RBPJ: variants seen among roughly 807,000 people sequenced by gnomAD.
RBPJ encodes the protein recombining binding protein suppressor of hairless.
In RBPJ, 9 loss-of-function variants were observed where a neutral mutation model predicts 67.8. The ratio of observed to expected loss-of-function variants is 0.13; its 90% CI spans 0.08 to 0.23. The LOEUF (loss-of-function observed/expected upper bound fraction) is 0.23, where lower values mean the gene tolerates loss of function less well. Ranked by LOEUF, RBPJ falls within the 10% of genes least tolerant of loss-of-function variation. The pLI, the probability that RBPJ is intolerant of heterozygous loss-of-function variation, is 1.00. For synonymous variants in RBPJ, 198 were observed against 203.3 expected (o/e 0.97, Z 0.22); for missense variants, 305 against 595.6 (o/e 0.51, Z 5.08).
At chr4:26,392,410 C>T (rs1330847703) in intron 2 of RBPJ, among the ~76,000 whole-genome samples, 2 of 152,260 alleles carry the variant, frequency 1.3e-5, no homozygotes, top group African/African-American at 4.8e-5. Flanking sequence ...ATACATAACC[C>T]CAATATCCAG....
intron 1 of RBPJ, among the ~76,000 whole-genome samples, chr4:26,206,830 A>G (rs1718186603): frequency 6.6e-6 from 1 of 151,850 alleles, no homozygotes; most frequent in African/African-American, 2.4e-5. Context: ...TACAGCCAAG[A>G]AAACACTTTT....
intron 1 of RBPJ, among the ~76,000 whole-genome samples, chr4:26,198,186 G>A (rs1048412431): frequency 8.5e-5 from 13 of 152,054 alleles, no homozygotes; most frequent in Non-Finnish European, 1.6e-4. Context: ...CCTGGGAGGC[G>A]GAGGTTGCGG....
intron 1 of RBPJ, among the ~76,000 whole-genome samples, chr4:26,176,221 CT>C (rs1401724338): frequency 1.3e-5 from 2 of 152,194 alleles, no homozygotes; most frequent in Non-Finnish European, 2.9e-5. Context: ...AGCAACTATA[CT>C]CAGAAACACC....
At chr4:26,175,386 G>T (rs943975591) in intron 1 of RBPJ, among the ~76,000 whole-genome samples, 7 of 151,984 alleles carry the variant, frequency 4.6e-5, no homozygotes, top group Non-Finnish European at 1.0e-4. Flanking sequence ...CTGGGGGGGG[G>T]ATTTGAGTCT....
intron 4 of RBPJ, among the ~76,000 whole-genome samples, chr4:26,416,395 T>C (rs1251925235): frequency 6.6e-6 from 1 of 152,206 alleles, no homozygotes; most frequent in African/African-American, 2.4e-5. Context: ...TCCAGCTAAC[T>C]TTTTTGTATT....
chr4:26,386,073 G>GT (rs1730886293), intron 1 of RBPJ, among the ~76,000 whole-genome samples: 1 of 152,136 alleles, frequency 6.6e-6, no homozygotes, highest in South Asian at 2.1e-4. Context: ...TGTTTTATTG[G>GT]TAAGTCGTCT....
At chr4:26,338,536 TTTTG>T (rs1349232576) in intron 1 of RBPJ, among the ~76,000 whole-genome samples, 6 of 151,860 alleles carry the variant, frequency 4.0e-5, no homozygotes, top group African/African-American at 1.2e-4. Context: ...AGTTTGGCTT[TTTTG>T]TTTGTTTTGG....
chr4:26,391,082 G>A lies in RBPJ; in HGVS notation c.59+4691G>A, dbSNP rs779115790. ...AAATAAATATATATATGGTTAAAATGTCAGTTCTTCTCAAATTGATCCTGT... is the reference window on the plus strand; with the variant it reads ...AAATAAATATATATATGGTTAAAATATCAGTTCTTCTCAAATTGATCCTGT... On this transcript the variant is annotated intron_variant, in intron 2 of 10. Coordinates refer to ENST00000355476, the MANE Select transcript of RBPJ (RefSeq NM_015874.6). Among the ~76,000 whole-genome samples the A allele has an allele frequency of 3.9e-4, 59 of 152,264 alleles. 1 individual carries two copies. The highest frequency in any genetic ancestry group is 5.4e-4 in the Non-Finnish European group (37 of 68,012).
intron 2 of RBPJ, among the ~76,000 whole-genome samples, chr4:26,404,233 TG>T (rs1408063333): frequency 5.9e-5 from 9 of 152,166 alleles, no homozygotes; most frequent in Admixed American, 5.2e-4. Flanking sequence ...TGGGGTTGTT[TG>T]TTTTTTTTCT....
chr4:26,325,794 A>G (rs1024264328), intron 1 of RBPJ, among the ~76,000 whole-genome samples: 3 of 152,194 alleles, frequency 2.0e-5, no homozygotes, highest in African/African-American at 7.2e-5. Context: ...CAGCAGTTTA[A>G]TGCGTTCTTG....
rs775683666 is a variant in RBPJ at position 26,420,559 on chromosome 4, C to T, written c.330C>T (p.Cys110=). The T allele has an allele frequency of 3.1e-6, 5 of 1,598,674 alleles. No homozygotes were observed. The highest frequency in any genetic ancestry group is 8.5e-7 in the Non-Finnish European group (1 of 1,173,818). Residue 110 remains cysteine (C), a synonymous_variant, in exon 5 of 11, where the codon TGC becomes TGT. Transcript: ENST00000355476. ...QQLNLEGKNY[C]TAKTLYISDS... is the part of the protein sequence containing the mutation. ...TTACTTTTCTTTCACAGAACTATTG[C>T]ACAGCCAAAACATTGTATATATCTG...
At chr4:26,283,318 G>T (rs1382758715) in intron 1 of RBPJ, among the ~76,000 whole-genome samples, 8 of 151,802 alleles carry the variant, frequency 5.3e-5, no homozygotes. Flanking sequence ...GCCGAGGTGG[G>T]TGGATCACCT....
chr4:26,316,071 C>T (rs568559241), upstream of RBPJ, among the ~76,000 whole-genome samples: 14 of 151,976 alleles, frequency 9.2e-5, no homozygotes, highest in South Asian at 8.3e-4. Flanking sequence ...CCTGAGGTGA[C>T]GTACATCCTC....
chr4:26,212,109 C>T (rs1449057295), intron 1 of RBPJ, among the ~76,000 whole-genome samples: 2 of 152,104 alleles, frequency 1.3e-5, no homozygotes, highest in African/African-American at 2.4e-5. Flanking sequence ...GTTTGTGGCA[C>T]TTTTTGTTAC....
At chr4:26,190,833 A>C (rs570617432) in intron 1 of RBPJ, among the ~76,000 whole-genome samples, 50 of 152,200 alleles carry the variant, frequency 3.3e-4, no homozygotes, top group South Asian at 8.3e-4. Flanking sequence ...TTTCTTGAGA[A>C]GTAACATACA....
intron 1 of RBPJ, among the ~76,000 whole-genome samples, chr4:26,164,300 T>A (rs1443830438): frequency 6.6e-6 from 1 of 152,250 alleles, no homozygotes; most frequent in Non-Finnish European, 1.5e-5. Context: ...ATACATTACA[T>A]ATACATTACA....
At chr4:26,158,081 T>C in the RBPJ span, among the ~76,000 whole-genome samples, 24 of 152,328 alleles carry the variant, frequency 1.6e-4, no homozygotes, top group African/African-American at 5.1e-4. Context: ...AGTGATTTTT[T>C]ATGCACAAAA....
chr4:26,322,452 T>A (rs1392481158), intron 1 of RBPJ, among the ~76,000 whole-genome samples: 1 of 152,140 alleles, frequency 6.6e-6, no homozygotes, highest in Non-Finnish European at 1.5e-5. Flanking sequence ...TTTATATAAA[T>A]GTTTTATTTT....
At chr4:26,129,256 G>A in the RBPJ span, among the ~76,000 whole-genome samples, 1 of 152,106 alleles carries the variant, frequency 6.6e-6, no homozygotes, top group African/African-American at 2.4e-5. Flanking sequence ...CTGTTTCCCA[G>A]CCCAGTGATT....
Sources: allele counts gnomAD v4.1 joint callset (sites outside exome capture counted in the v4.1 genomes callset), GRCh38; gene constraint gnomAD v4.1.1; transcripts MANE v1.5; gene names NCBI Gene and HGNC (gene_info 2026-07-23, HGNC 2026-07-21).